MTERF4: variants seen among roughly 807,000 people sequenced by gnomAD.
MTERF4 encodes the protein transcription termination factor 4, mitochondrial.
MTERF4 carries 17 observed loss-of-function variants against 22.5 expected under a neutral mutation model. That is an observed-to-expected ratio of 0.75 (90% CI 0.52 to 1.13). The LOEUF (loss-of-function observed/expected upper bound fraction) is 1.13, where lower values mean the gene tolerates loss of function less well. Among genes scored for constraint, MTERF4 ranks in the 50% most tolerant of loss-of-function variants. The pLI is 0.00. For missense variants in MTERF4, 420 were observed against 466.8 expected (o/e 0.90, Z 0.92); for synonymous variants, 165 against 175.3 (o/e 0.94, Z 0.47).
chr2:241,100,888 T>C lies in MTERF4; in HGVS notation c.22-994A>G, dbSNP rs2064675960. ...CCCTAACCCCTGTGTTGTTCAAGGGTCACAGTAATTAGTCAACTTGCATAC... is the reference window on the plus strand; with the variant it reads ...CCCTAACCCCTGTGTTGTTCAAGGGCCACAGTAATTAGTCAACTTGCATAC... On this transcript the variant is annotated intron_variant, in intron 1 of 3. Coordinates refer to ENST00000391980, the MANE Select transcript of MTERF4 (RefSeq NM_182501.4). Among the ~76,000 whole-genome samples, 2 of 152,072 alleles carry C rather than the reference T, an allele frequency of 1.3e-5. 1 individual carries two copies. Among genetic ancestry groups the C allele is most frequent in the South Asian group, 4.2e-4 (2 of 4,818 alleles).
Position 241,099,416 on chromosome 2 carries a change from T to C in MTERF4, c.500A>G (p.Gln167Arg), listed in dbSNP as rs1426008890. The change falls in exon 2 of 4, where the codon CAA becomes CGA. Residue 167 changes from glutamine (Q) to arginine (R), a missense_variant. Coordinates refer to ENST00000391980, the MANE Select transcript of MTERF4 (RefSeq NM_182501.4). ...MQMRKRSSYL[Q>R]KLGLGEGKLK... ...TGTACCTTCTCCAAGCCCAAGCTTT[T>C]GCAGGTAACTGGAGCGCTTCCTCAT... 6.2e-7 allele frequency: 1 copy of C among 1,613,402 alleles called. No homozygotes were observed.
exon 5 of MTERF4, chr2:241,072,313 G>C (rs368313016): frequency 2.3e-5 from 10 of 428,600 alleles, no homozygotes; most frequent in African/African-American, 4.0e-5. Context: ...AGATCTTCCC[G>C]GTGGCAGCAA....
At chr2:241,063,297 A>C in the MTERF4 span, 1 of 509,040 alleles carries the variant, frequency 2.0e-6, no homozygotes, top group Non-Finnish European at 3.6e-6. Context: ...CAGGGAGGGC[A>C]AGGCCCAGGG....
At chr2:241,065,234 G>T in the MTERF4 span, 96 of 1,551,684 alleles carry the variant, frequency 6.2e-5, no homozygotes, top group Middle Eastern at 3.4e-4. Flanking sequence ...CCGCCGACGG[G>T]AGCCAGGCAT....
chr2:241,067,000 G>T, the MTERF4 span, among the ~76,000 whole-genome samples: 2 of 152,356 alleles, frequency 1.3e-5, no homozygotes, highest in East Asian at 3.9e-4. Flanking sequence ...GCAGGTGTCA[G>T]CAGGAGCTGC....
chr2:241,081,474 T>TCTC (rs2125302564), intron 4 of MTERF4, among the ~76,000 whole-genome samples: 1 of 152,288 alleles, frequency 6.6e-6, no homozygotes, highest in African/African-American at 2.4e-5. Flanking sequence ...CTGCGGCCTG[T>TCTC]CTCCTCACCT....
downstream of MTERF4, chr2:241,071,629 G>A (rs755940142): frequency 2.9e-5 from 46 of 1,586,424 alleles, no homozygotes; most frequent in African/African-American, 1.1e-4. Context: ...CCACCCTCGG[G>A]TGCTCAAGAA....
Position 241,095,881 on chromosome 2 carries a change from C to A in MTERF4, c.*117G>T. 2 of 1,503,048 alleles carry A rather than the reference C, an allele frequency of 1.3e-6. No homozygotes were observed. The highest frequency in any genetic ancestry group is 1.8e-6 in the Non-Finnish European group (2 of 1,128,742). 93.1% of individuals were successfully genotyped at this position (1,503,048 alleles called of 1,614,324 possible). A position where few individuals can be genotyped will look rare whatever the true frequency, so the allele number is the denominator to read the frequency against. On this transcript the variant is annotated 3_prime_UTR_variant, in exon 4 of 4. Transcript: ENST00000391980. The stretch of plus-strand genomic sequence containing the variant: ...CTTATAATTTTTTTCATCAAGAGAC[C>A]AGTTTTAGAATAAAAAATAACTTGA...
chr2:241,068,311 G>T (rs11895565), downstream of MTERF4, among the ~76,000 whole-genome samples: 290 of 143,646 alleles, frequency 2.0e-3, no homozygotes, highest in African/African-American at 8.2e-3. This position sits in a 1 kb window ranked among gnomAD's most constrained non-coding sequence, Gnocchi z 5.3. Flanking sequence ...GCTCTCCCAG[G>T]AGTCCCACAG....
downstream of MTERF4, chr2:241,067,726 G>T: frequency 6.4e-7 from 1 of 1,555,690 alleles, no homozygotes; most frequent in Non-Finnish European, 8.8e-7. Context: ...CAGGAGCAAG[G>T]AGGGGCCGGC....
the MTERF4 span, among the ~76,000 whole-genome samples, chr2:241,061,055 T>A: frequency 2.0e-5 from 3 of 152,134 alleles, no homozygotes; most frequent in African/African-American, 7.2e-5. Context: ...ATGATGAACA[T>A]ACTTGACCAT....
At chr2:241,049,238 C>T in the MTERF4 span, 15 of 850,726 alleles carry the variant, frequency 1.8e-5, no homozygotes, top group South Asian at 2.3e-4. Flanking sequence ...TACTTCCCTT[C>T]TGACTCTCGG....
At chr2:241,087,423 A>T (rs929280416), downstream of MTERF4, 19 of 1,604,186 alleles carry the variant, frequency 1.2e-5, no homozygotes, top group Non-Finnish European at 1.6e-5. Flanking sequence ...TCACCAAGAC[A>T]TCTGCTTCAA....
At chr2:241,062,471 G>A in the MTERF4 span, among the ~76,000 whole-genome samples, 1 of 152,304 alleles carries the variant, frequency 6.6e-6, no homozygotes, top group African/African-American at 2.4e-5. Flanking sequence ...GGCAAGATGG[G>A]ACATGAGACA....
Position 241,096,713 on chromosome 2 carries a change from T to C in MTERF4, c.706-275A>G. The C allele has an allele frequency of 1.6e-6, 1 of 635,592 alleles. No homozygotes were observed. The highest frequency in any genetic ancestry group is 3.0e-6 in the Non-Finnish European group (1 of 337,462). 39.4% of individuals were successfully genotyped at this position (635,592 alleles called of 1,614,324 possible). ...GGGCAGAAGGAAGAGGTGGTATTTT[T>C]CTTTAAATGGGGAAGGAAAAGGATG... On this transcript the variant is annotated intron_variant, in intron 3 of 3. Transcript: ENST00000391980. This position sits in a 1 kb window ranked among gnomAD's most constrained non-coding sequence, Gnocchi z 5.1.
chr2:241,080,886 A>C (rs899250312), intron 4 of MTERF4, among the ~76,000 whole-genome samples: 2 of 152,218 alleles, frequency 1.3e-5, no homozygotes, highest in Non-Finnish European at 2.9e-5. Flanking sequence ...GGTGAGGGAA[A>C]GCCTGTCTTC....
chr2:241,050,907 G>T, the MTERF4 span, among the ~76,000 whole-genome samples: 2 of 152,166 alleles, frequency 1.3e-5, no homozygotes, highest in African/African-American at 4.8e-5. Flanking sequence ...CAAAGGTTCT[G>T]TGCCCGCCCC....
At chr2:241,042,709 A>G in the MTERF4 span, among the ~76,000 whole-genome samples, 6 of 152,238 alleles carry the variant, frequency 3.9e-5, no homozygotes, top group Non-Finnish European at 8.8e-5. Flanking sequence ...TGAAAAATAT[A>G]TCTGAGTTTT....
chr2:241,100,034 T>TC, intron 1 of MTERF4, 140 bp from the exon 2 acceptor site: 1 of 1,071,600 alleles, frequency 9.3e-7, no homozygotes, highest in East Asian at 2.6e-5. Flanking sequence ...CAAAATCCTA[T>TC]CTGAACTTAA....
Sources: gnomAD v4.1 joint callset for allele counts (sites outside exome capture counted in the v4.1 genomes callset) on GRCh38, gnomAD v4.1.1 for gene constraint, Gnocchi (gnomAD v3.1) non-coding constraint, MANE v1.5 for transcripts, NCBI Gene and HGNC (gene_info 2026-07-23, HGNC 2026-07-21) for gene names.